The following LRIF1 variants were observed in gnomAD, a reference collection of about 807,000 sequenced individuals.
LRIF1 encodes ligand-dependent nuclear receptor-interacting factor 1.
A neutral mutation model predicts 52.7 loss-of-function variants in LRIF1; 32 were observed. That is an observed-to-expected ratio of 0.61 (90% confidence interval 0.46 to 0.82). The LOEUF (loss-of-function observed/expected upper bound fraction) is 0.82, where lower values mean the gene tolerates loss of function less well. Among genes scored for constraint, LRIF1 ranks in the 40% least tolerant of loss-of-function variants. The pLI is 0.00. For missense variants in LRIF1, 887 were observed against 892.0 expected, an observed-to-expected ratio of 0.99 and a Z score of 0.07; for synonymous variants, 323 against 317.4, an observed-to-expected ratio of 1.02 and a Z score of -0.19.
At chr1:110,961,930 C>G (rs967846725) in intron 1 of LRIF1, among the ~76,000 whole-genome samples, 1 of 151,976 alleles carries the variant, frequency 6.6e-6, no homozygotes, top group African/African-American at 2.4e-5. Context: ...TAAATAAATA[C>G]ATTCAAAAAT....
chr1:110,898,175 A>G, the LRIF1 span, among the ~76,000 whole-genome samples: 5 of 152,116 alleles, frequency 3.3e-5, no homozygotes, highest in Non-Finnish European at 5.9e-5. Flanking sequence ...CAGGAGATCA[A>G]GACCATCCTG....
chr1:110,896,453 A>T, the LRIF1 span, among the ~76,000 whole-genome samples: 3 of 152,220 alleles, frequency 2.0e-5, no homozygotes, highest in Admixed American at 1.3e-4. Context: ...AGGGGTCTCT[A>T]CTCCACAGGG....
chr1:110,910,287 A>G, the LRIF1 span, among the ~76,000 whole-genome samples: 1 of 125,492 alleles, frequency 8.0e-6, no homozygotes, highest in Non-Finnish European at 1.7e-5. Flanking sequence ...TCTTAAAGCA[A>G]TTCTCAAAAA....
chr1:110,908,051 T>C, the LRIF1 span, among the ~76,000 whole-genome samples: 1 of 152,258 alleles, frequency 6.6e-6, no homozygotes, highest in Admixed American at 6.5e-5. Flanking sequence ...TTCAGAGAGA[T>C]GATAAAAGAA....
the LRIF1 span, among the ~76,000 whole-genome samples, chr1:110,896,181 C>T: frequency 1.3e-5 from 2 of 152,156 alleles, no homozygotes; most frequent in African/African-American, 2.4e-5. Flanking sequence ...GTTGCTTCCT[C>T]GAGTATTTTG....
Position 110,947,788 on chromosome 1 carries a change from C to A in LRIF1, c.*171G>T. On this transcript the variant is annotated 3_prime_UTR_variant, in exon 4 of 4. Transcript: ENST00000369763. ...ATAGATACCCCATGTAAATTATTCACAAGTCATATGTGAATCAACCTTTTC... is the reference window on the plus strand; with the variant it reads ...ATAGATACCCCATGTAAATTATTCAAAAGTCATATGTGAATCAACCTTTTC... 1.2e-6 allele frequency: 1 copy of A among 809,564 alleles called. No individual in the cohort carries two copies. The highest frequency in any genetic ancestry group is 1.8e-6 in the Non-Finnish European group (1 of 567,626). 50.1% of individuals were successfully genotyped at this position (809,564 alleles called of 1,614,324 possible). A position where few individuals can be genotyped will look rare whatever the true frequency, so the allele number is the denominator to read the frequency against.
the LRIF1 span, chr1:110,937,641 A>G: frequency 2.3e-4 from 35 of 152,246 alleles, no homozygotes; most frequent in African/African-American, 8.4e-4. Flanking sequence ...AACTTCAAAT[A>G]AACAATCTAA....
Position 110,951,335 on chromosome 1 carries a change from T to A in LRIF1, c.1549A>T (p.Thr517Ser). Residue 517 changes from threonine (T) to serine (S), a missense_variant, in exon 2 of 4, where the codon ACA becomes TCA. Physicochemically the swap from Thr to Ser is moderately conservative, Grantham distance 58. Transcript: ENST00000369763. Reference sequence around the variant, plus strand: ...ACACACTGTTGTGAAGTAACAGTTGTTGCATCAACAGAGGAACTTATTTTC... The same window carrying A: ...ACACACTGTTGTGAAGTAACAGTTGATGCATCAACAGAGGAACTTATTTTC... ...IEKISSSVDA[T>S]TVTSQQCVFR... is the part of the protein sequence containing the mutation. The A allele has an allele frequency of 6.2e-7, 1 of 1,614,106 alleles. No homozygotes were observed. Among genetic ancestry groups the A allele is most frequent in the Non-Finnish European group, 8.5e-7 (1 of 1,179,980 alleles).
At chr1:110,939,936 T>C in the LRIF1 span, 1 of 152,296 alleles carries the variant, frequency 6.6e-6, no homozygotes, top group African/African-American at 2.4e-5. Context: ...CAAAAATTTC[T>C]TGAGTAGTAC....
At chr1:110,931,859 A>C in the LRIF1 span, among the ~76,000 whole-genome samples, 1 of 150,976 alleles carries the variant, frequency 6.6e-6, no homozygotes, top group African/African-American at 2.4e-5. Context: ...AAATTTGTTT[A>C]AGTTCTTTGT....
Position 110,952,112 on chromosome 1 carries a change from C to T in LRIF1, c.772G>A (p.Ala258Thr). 3 of 1,614,132 alleles carry T rather than the reference C, an allele frequency of 1.9e-6. No individual in the cohort carries two copies. Among genetic ancestry groups the T allele is most frequent in the Non-Finnish European group, 2.5e-6 (3 of 1,179,992 alleles). ...NIYPKPVTEI[A>T]KPVILNTTQI... ...GTGGTATTTAGTATTACTGGCTTTG[C>T]TATTTCTGTAACAGGTTTTGGGTAA... The change falls in exon 2 of 4, where the codon GCA becomes ACA. Residue 258 changes from alanine (A) to threonine (T), a missense_variant. By Grantham distance (58) the Ala-to-Thr change is moderately conservative (BLOSUM62 0). Coordinates refer to ENST00000369763, the MANE Select transcript of LRIF1 (RefSeq NM_018372.4).
chr1:110,898,872 T>C, the LRIF1 span, among the ~76,000 whole-genome samples: 1 of 152,142 alleles, frequency 6.6e-6, no homozygotes, highest in South Asian at 2.1e-4. Flanking sequence ...AAGGCTTCTG[T>C]GACTTCCTCA....
At chr1:110,917,636 TTTTTTG>T in the LRIF1 span, among the ~76,000 whole-genome samples, 1 of 88,002 alleles carries the variant, frequency 1.1e-5, no homozygotes, top group Non-Finnish European at 2.2e-5. Flanking sequence ...TTTTTTTTGT[TTTTTTG>T]TTTTTGTTTT....
downstream of LRIF1, among the ~76,000 whole-genome samples, chr1:110,946,283 G>A (rs1356682742): frequency 6.6e-6 from 1 of 152,150 alleles, no homozygotes; most frequent in Non-Finnish European, 1.5e-5. Flanking sequence ...TTCACAACAG[G>A]CAATTCCATA....
chr1:110,904,292 T>A, the LRIF1 span, among the ~76,000 whole-genome samples: 26 of 152,268 alleles, frequency 1.7e-4, no homozygotes, highest in African/African-American at 6.3e-4. Flanking sequence ...TAGGCAGTAG[T>A]CAGGGAGTGG....
the LRIF1 span, among the ~76,000 whole-genome samples, chr1:110,875,558 G>T: frequency 6.6e-6 from 1 of 152,148 alleles, no homozygotes; most frequent in East Asian, 1.9e-4. Flanking sequence ...TTTGTTCTGC[G>T]TCCCTAGATT....
intron 3 of LRIF1, among the ~76,000 whole-genome samples, chr1:110,948,926 T>C (rs563293371): frequency 2.6e-5 from 4 of 152,224 alleles, no homozygotes; most frequent in African/African-American, 9.7e-5. Flanking sequence ...GCTTATATCT[T>C]CTACTACATT....
chr1:110,899,056 A>G, the LRIF1 span: 2 of 1,213,692 alleles, frequency 1.6e-6, no homozygotes, highest in East Asian at 2.3e-5. Context: ...TCAGAGGCCA[A>G]TCCCAGGCAT....
the LRIF1 span, among the ~76,000 whole-genome samples, chr1:110,918,297 G>C: frequency 6.6e-6 from 1 of 152,106 alleles, no homozygotes; most frequent in African/African-American, 2.4e-5. Flanking sequence ...TCAGGACTGT[G>C]TAGTAAGACA....
Sources: allele counts gnomAD v4.1 joint callset (sites outside exome capture counted in the v4.1 genomes callset), GRCh38; gene constraint gnomAD v4.1.1; transcripts MANE v1.5; gene names NCBI Gene and HGNC (gene_info 2026-07-23, HGNC 2026-07-21).